The following PDZRN4 variants were observed in gnomAD, a reference collection of about 807,000 sequenced individuals.
The protein encoded by PDZRN4 is PDZ domain containing ring finger 4, also known as PDZ domain-containing RING finger protein 4.
Under a neutral mutation model 99.0 loss-of-function variants are expected in PDZRN4, and 70 were observed. The observed-to-expected ratio is 0.71, with a 90% CI of 0.58 to 0.86. The LOEUF (loss-of-function observed/expected upper bound fraction) is 0.86, where lower values mean the gene tolerates loss of function less well. Ranked by LOEUF, PDZRN4 falls within the 40% of genes least tolerant of loss-of-function variation. The probability of loss-of-function intolerance (pLI) is 0.00; values close to 1 mark genes in which losing one functional copy is unlikely to be tolerated. For missense variants in PDZRN4, 1,474 were observed against 1,331.2 expected, an observed-to-expected ratio of 1.11 and a Z score of -1.67; for synonymous variants, 551 against 501.6, an observed-to-expected ratio of 1.10 and a Z score of -1.32.
chr12:41,381,501 T>C (rs184806673), intron 3 of PDZRN4, among the ~76,000 whole-genome samples: 92 of 152,292 alleles, frequency 6.0e-4, no homozygotes, highest in African/African-American at 2.2e-3. Context: ...TTTATTCCAC[T>C]TGAGTGTGCT....
At chr12:41,408,308 T>C (rs911283462) in intron 3 of PDZRN4, among the ~76,000 whole-genome samples, 1 of 152,256 alleles carries the variant, frequency 6.6e-6, no homozygotes, top group Non-Finnish European at 1.5e-5. Context: ...TTAGAAGTGT[T>C]CTGAAACAGA....
At chr12:41,465,395 TA>T (rs533633723) in intron 3 of PDZRN4, among the ~76,000 whole-genome samples, 77 of 152,356 alleles carry the variant, frequency 5.1e-4, no homozygotes, top group Non-Finnish European at 2.9e-4. Flanking sequence ...CAACTGAGGT[TA>T]TTTTTTTTAA....
rs1734839958 is a variant in PDZRN4, at chr12:41,290,303, G to T, written c.843+96115G>T. Among the ~76,000 whole-genome samples the T allele has an allele frequency of 2.0e-5, 3 of 152,156 alleles. No individual in the cohort carries two copies. The South Asian group carries it at 6.2e-4, about 32-fold the overall frequency. ...TAGGGAATTTTATACCTCATTGAGT[G>T]AAGGCTTTTAAAAAATTCTTTGATT... On this transcript the variant is annotated intron_variant, in intron 3 of 9. Coordinates refer to ENST00000402685, the MANE Select transcript of PDZRN4 (RefSeq NM_001164595.2).
At chr12:41,506,867 A>C (rs1938216298) in intron 4 of PDZRN4, among the ~76,000 whole-genome samples, 155 bp downstream of exon 4, 1 of 151,942 alleles carries the variant, frequency 6.6e-6, no homozygotes, top group Non-Finnish European at 1.5e-5. Flanking sequence ...TGATATGTGC[A>C]ATTAGTTCTC....
chr12:41,379,797 T>C (rs1323584087), intron 3 of PDZRN4, among the ~76,000 whole-genome samples: 1 of 152,046 alleles, frequency 6.6e-6, no homozygotes, highest in East Asian at 1.9e-4. Flanking sequence ...ATATTTTATG[T>C]GTATTTGAGA....
intron 3 of PDZRN4, among the ~76,000 whole-genome samples, chr12:41,279,548 T>TA (rs1951370419): frequency 6.6e-6 from 1 of 152,196 alleles, no homozygotes; most frequent in South Asian, 2.1e-4. Context: ...TTGGTTTTTC[T>TA]AGGAAAGCTT....
chr12:41,361,312 T>G (rs188853796), intron 3 of PDZRN4, among the ~76,000 whole-genome samples: 13 of 152,220 alleles, frequency 8.5e-5, no homozygotes, highest in Admixed American at 7.9e-4. Flanking sequence ...ATGAAATATA[T>G]TTGGAAGGTT....
At chr12:41,482,815 G>A (rs1330993450) in intron 3 of PDZRN4, among the ~76,000 whole-genome samples, 2 of 152,032 alleles carry the variant, frequency 1.3e-5, no homozygotes, top group Non-Finnish European at 2.9e-5. Context: ...TAGTGAGAAA[G>A]GTAGCAAGGA....
In PDZRN4 at chr12:41,573,644, G is replaced by A; in HGVS notation, c.2865G>A (p.Glu955=). 1.2e-6 allele frequency: 2 copies of A among 1,614,098 alleles called. No individual in the cohort carries two copies. Among genetic ancestry groups the A allele is most frequent in the Middle Eastern group, 3.3e-4 (2 of 6,060 alleles). The change falls in exon 10 of 10, where the codon GAG becomes GAA. Residue 955 remains glutamate, a synonymous_variant. Transcript: ENST00000402685. The part of the protein sequence containing the change: ...ERKQHLVRAK[E]QRRRREFMMR... Reference sequence around the variant, plus strand: ...AGCAGCACCTGGTTAGGGCCAAAGAGCAGCGCCGTCGCCGTGAGTTCATGA... The same window carrying A: ...AGCAGCACCTGGTTAGGGCCAAAGAACAGCGCCGTCGCCGTGAGTTCATGA...
At chr12:41,448,242 G>C (rs572746429) in intron 3 of PDZRN4, among the ~76,000 whole-genome samples, 7 of 152,074 alleles carry the variant, frequency 4.6e-5, no homozygotes, top group Admixed American at 3.3e-4. Flanking sequence ...TTTAACCAAA[G>C]AAAACTATAA....
chr12:41,253,516 AG>A (rs1303872374), intron 3 of PDZRN4, among the ~76,000 whole-genome samples: 9 of 152,318 alleles, frequency 5.9e-5, no homozygotes, highest in Non-Finnish European at 1.3e-4. Context: ...ATGTGGAGAA[AG>A]GGGAACCCCC....
intron 5 of PDZRN4, among the ~76,000 whole-genome samples, chr12:41,548,861 A>G (rs140798746): frequency 1.3e-5 from 2 of 152,308 alleles, no homozygotes; most frequent in East Asian, 1.9e-4. Flanking sequence ...GTGTCATTCT[A>G]TGATTAGAAA....
chr12:41,559,485 A>T (rs148804347), intron 7 of PDZRN4, among the ~76,000 whole-genome samples: 219 of 152,310 alleles, frequency 1.4e-3, no homozygotes, highest in African/African-American at 5.1e-3. Context: ...ATATATGACC[A>T]GCTTTCCAAG....
intron 3 of PDZRN4, among the ~76,000 whole-genome samples, chr12:41,385,545 CTA>C (rs1952163114): frequency 6.6e-6 from 1 of 152,162 alleles, no homozygotes. Context: ...ATAAATGCCT[CTA>C]TGCATATAAA....
At chr12:41,241,735 A>G (rs929893377) in intron 3 of PDZRN4, among the ~76,000 whole-genome samples, 2 of 152,144 alleles carry the variant, frequency 1.3e-5, no homozygotes, top group Non-Finnish European at 2.9e-5. Context: ...TCTTAAGATA[A>G]TATTAAAAGT....
intron 3 of PDZRN4, among the ~76,000 whole-genome samples, chr12:41,207,473 TA>T (rs1291703689): frequency 2.0e-5 from 3 of 151,826 alleles, no homozygotes; most frequent in African/African-American, 7.2e-5. Context: ...CATATTTATA[TA>T]ATTAAATATC....
intron 3 of PDZRN4, among the ~76,000 whole-genome samples, chr12:41,414,681 C>T (rs1952428831): frequency 6.6e-6 from 1 of 151,874 alleles, no homozygotes. Flanking sequence ...AAAGAGCTTA[C>T]TTAGTGAAGC....
chr12:41,537,221 G>A (rs1306841254), intron 5 of PDZRN4, among the ~76,000 whole-genome samples: 4 of 152,154 alleles, frequency 2.6e-5, no homozygotes, highest in Non-Finnish European at 4.4e-5. Flanking sequence ...TACTCAGAGG[G>A]TGGAAAAGCA....
chr12:41,479,391 A>G (rs1592077344), intron 3 of PDZRN4, among the ~76,000 whole-genome samples: 1 of 152,200 alleles, frequency 6.6e-6, no homozygotes, highest in East Asian at 1.9e-4. Flanking sequence ...ACTTGGTTCC[A>G]TTATTACTTC....
Sources: allele counts gnomAD v4.1 joint callset (sites outside exome capture counted in the v4.1 genomes callset), GRCh38; gene constraint gnomAD v4.1.1; transcripts MANE v1.5; gene names NCBI Gene and HGNC (gene_info 2026-07-23, HGNC 2026-07-21).